UNC13C: variants seen among roughly 807,000 people sequenced by gnomAD.
The protein encoded by UNC13C is unc-13 homolog C, also known as protein unc-13 homolog C.
Under a neutral mutation model 245.4 loss-of-function variants are expected in UNC13C, and 174 were observed. The ratio of observed to expected loss-of-function variants is 0.71; its 90% CI spans 0.63 to 0.80. UNC13C has a LOEUF of 0.80. Ranked by LOEUF, UNC13C falls within the 30% of genes least tolerant of loss-of-function variation. The pLI, the probability that UNC13C is intolerant of heterozygous loss-of-function variation, is 0.00. For synonymous variants in UNC13C, 992 were observed against 895.1 expected, an observed-to-expected ratio of 1.11 and a Z score of -1.93; for missense variants, 2,829 against 2,602.9, an observed-to-expected ratio of 1.09 and a Z score of -1.89.
intron 18 of UNC13C, among the ~76,000 whole-genome samples, chr15:54,403,715 CAAAAAAAAAAAA>C (rs771818988): frequency 1.8e-5 from 1 of 56,870 alleles, no homozygotes. Flanking sequence ...GAACCTGTCT[CAAAAAAAAAAAA>C]AAAAAAAAAA....
At chr15:53,842,902 A>T in the UNC13C span, among the ~76,000 whole-genome samples, 4 of 119,448 alleles carry the variant, frequency 3.3e-5, no homozygotes, top group South Asian at 2.9e-4. Flanking sequence ...TTTAAGTTTT[A>T]TATATATATA....
chr15:54,306,590 A>AT (rs1256378738), intron 13 of UNC13C, among the ~76,000 whole-genome samples: 12 of 151,936 alleles, frequency 7.9e-5, no homozygotes, highest in African/African-American at 2.9e-4. Flanking sequence ...GGGGAATTCT[A>AT]TATCAGTCAT....
At chr15:54,086,519 G>A (rs148761149) in intron 2 of UNC13C, among the ~76,000 whole-genome samples, 3 of 152,126 alleles carry the variant, frequency 2.0e-5, no homozygotes, top group Admixed American at 6.5e-5. Context: ...AAGTAGGCAG[G>A]TTTGATACTC....
Position 54,318,979 on chromosome 15 carries a change from G to T in UNC13C, c.4269-2960G>T, listed in dbSNP as rs115909090. Among the ~76,000 whole-genome samples the T allele has an allele frequency of 7.5e-3, 1,134 of 151,836 alleles. 13 individuals are homozygous for T. The highest frequency in any genetic ancestry group is 0.026 in the African/African-American group (1,084 of 41,454). On this transcript the variant is annotated intron_variant, in intron 13 of 32. Coordinates refer to ENST00000260323, the MANE Select transcript of UNC13C (RefSeq NM_001080534.3). ...CTTAACCAAGCACCAAAAATCTCAAGGTGGCAGCTAAAAAAGTAAAGCCAA... is the reference window on the plus strand; with the variant it reads ...CTTAACCAAGCACCAAAAATCTCAATGTGGCAGCTAAAAAAGTAAAGCCAA...
At chr15:54,201,612 G>A (rs1418716533) in intron 4 of UNC13C, among the ~76,000 whole-genome samples, 5 of 151,650 alleles carry the variant, frequency 3.3e-5, no homozygotes, top group Non-Finnish European at 1.5e-5. Flanking sequence ...TGAAATCTAG[G>A]ATCATTTTAT....
intron 30 of UNC13C, among the ~76,000 whole-genome samples, chr15:54,612,615 T>A (rs894058548): frequency 1.1e-4 from 16 of 152,060 alleles, no homozygotes; most frequent in Non-Finnish European, 2.1e-4. Flanking sequence ...ATAATCGTGC[T>A]CTTTCTCATT....
chr15:54,053,631 G>T (rs1897369063), intron 2 of UNC13C, among the ~76,000 whole-genome samples: 1 of 152,030 alleles, frequency 6.6e-6, no homozygotes, highest in Admixed American at 6.6e-5. Context: ...CTTTCTTTGT[G>T]TTACAAACAA....
chr15:54,207,801 G>A (rs2034761659), intron 4 of UNC13C, among the ~76,000 whole-genome samples: 1 of 152,040 alleles, frequency 6.6e-6, no homozygotes, highest in South Asian at 2.1e-4. Context: ...AACCAGACTG[G>A]TTGGGTTCAA....
At chr15:54,401,446 G>A (rs779511246) in intron 18 of UNC13C, among the ~76,000 whole-genome samples, 6 of 152,124 alleles carry the variant, frequency 3.9e-5, no homozygotes, top group East Asian at 1.9e-4. Context: ...GAAAAATTTT[G>A]CACAATAAGA....
the UNC13C span, among the ~76,000 whole-genome samples, chr15:53,930,915 T>C: frequency 0.055 from 8,410 of 152,230 alleles, 397 homozygotes; most frequent in East Asian, 0.22. Flanking sequence ...TCAAATGAAG[T>C]TATTGTCGAC....
At chr15:54,070,504 A>G (rs1898270526) in intron 2 of UNC13C, among the ~76,000 whole-genome samples, 1 of 152,206 alleles carries the variant, frequency 6.6e-6, no homozygotes, top group Admixed American at 6.5e-5. Context: ...ATGATGTTAC[A>G]GCCCATCAGT....
intron 19 of UNC13C, among the ~76,000 whole-genome samples, chr15:54,458,277 T>A (rs1891643901): frequency 6.6e-6 from 1 of 152,148 alleles, no homozygotes; most frequent in African/African-American, 2.4e-5. Flanking sequence ...TTTTCTTAAA[T>A]TTATTGAGAC....
intron 19 of UNC13C, among the ~76,000 whole-genome samples, chr15:54,416,049 C>G (rs1224652875): frequency 6.6e-6 from 1 of 152,020 alleles, no homozygotes; most frequent in Non-Finnish European, 1.5e-5. Context: ...CTCAGTGGGC[C>G]CAATGATCAA....
intron 8 of UNC13C, among the ~76,000 whole-genome samples, chr15:54,258,433 G>A (rs1347656717): frequency 6.6e-6 from 1 of 152,004 alleles, no homozygotes; most frequent in Non-Finnish European, 1.5e-5. Context: ...GCACAATCTC[G>A]GCTCAGTGCA....
intron 4 of UNC13C, among the ~76,000 whole-genome samples, chr15:54,174,035 A>T (rs1221622875): frequency 1.3e-5 from 2 of 152,178 alleles, no homozygotes; most frequent in Admixed American, 6.5e-5. Context: ...TATTCTTATG[A>T]TAAACTTCAA....
At chr15:53,838,803 C>T in the UNC13C span, among the ~76,000 whole-genome samples, 2 of 151,772 alleles carry the variant, frequency 1.3e-5, no homozygotes, top group African/African-American at 2.4e-5. Context: ...AACATGTAAA[C>T]GTTTAGCATA....
rs565884223 is a variant in UNC13C at position 54,091,169 on chromosome 15, C to A, written c.2984-51849C>A. ...ACTGCTTTTTGAGGCTAGTTTGATC[C>A]TTCTGCCTCTGACCTTTTCAGTTTA... On this transcript the variant is annotated intron_variant, in intron 2 of 32. Coordinates refer to ENST00000260323, the MANE Select transcript of UNC13C (RefSeq NM_001080534.3). 3.3e-4 allele frequency among the ~76,000 whole-genome samples: 50 copies of A among 152,248 alleles called. No individual in the cohort carries two copies. The South Asian group carries it at 6.8e-3, about 21-fold the overall frequency.
At chr15:53,907,028 T>C in the UNC13C span, among the ~76,000 whole-genome samples, 1 of 152,152 alleles carries the variant, frequency 6.6e-6, no homozygotes, top group East Asian at 1.9e-4. Context: ...AGGATTATAA[T>C]TCAAGATGAG....
At chr15:53,888,728 A>AAG in the UNC13C span, among the ~76,000 whole-genome samples, 1 of 152,290 alleles carries the variant, frequency 6.6e-6, no homozygotes, top group South Asian at 2.1e-4. Flanking sequence ...ATTTTTGTAT[A>AAG]AGGTGTAAGG....
Sources: gnomAD v4.1 joint callset for allele counts (sites outside exome capture counted in the v4.1 genomes callset) on GRCh38, gnomAD v4.1.1 for gene constraint, MANE v1.5 for transcripts, NCBI Gene and HGNC (gene_info 2026-07-23, HGNC 2026-07-21) for gene names.